VWA3B: variants seen among roughly 807,000 people sequenced by gnomAD.
The protein encoded by VWA3B is von Willebrand factor A domain containing 3B.
VWA3B carries 138 observed loss-of-function variants against 158.3 expected under a neutral mutation model. That is an observed-to-expected ratio of 0.87 (90% CI 0.76 to 1.00). The LOEUF is 1.00. Ranked by LOEUF, VWA3B falls within the 50% of genes least tolerant of loss-of-function variation. The pLI, the probability that VWA3B is intolerant of heterozygous loss-of-function variation, is 0.00. For synonymous variants in VWA3B, 596 were observed against 587.3 expected (o/e 1.01, Z -0.21); for missense variants, 1,555 against 1,565.1 (o/e 0.99, Z 0.11).
chr2:98,317,738 C>A (rs1292955233), downstream of VWA3B, among the ~76,000 whole-genome samples: 1 of 152,174 alleles, frequency 6.6e-6, no homozygotes, highest in Non-Finnish European at 1.5e-5. Context: ...TCTCATGTCT[C>A]CCTAAAATGT....
chr2:98,119,840 C>T, intron 4 of VWA3B, 77 bp downstream of exon 4: 1 of 1,546,610 alleles, frequency 6.5e-7, no homozygotes, highest in Non-Finnish European at 8.8e-7. Flanking sequence ...AGTAGCACAG[C>T]TGACACAGTT....
chr2:98,279,003 T>TG (rs1288538212), intron 22 of VWA3B, among the ~76,000 whole-genome samples: 1 of 152,134 alleles, frequency 6.6e-6, no homozygotes, highest in Non-Finnish European at 1.5e-5. Context: ...ACTGCAGTGA[T>TG]GGTTTAGCAT....
intron 6 of VWA3B, among the ~76,000 whole-genome samples, chr2:98,129,730 T>A (rs1056464171): frequency 6.6e-6 from 1 of 152,158 alleles, no homozygotes; most frequent in African/African-American, 2.4e-5. Context: ...TAAGTTTAGG[T>A]CTCTTGTGGA....
chr2:98,231,056 T>C (rs1270616123), intron 16 of VWA3B, among the ~76,000 whole-genome samples: 2 of 152,114 alleles, frequency 1.3e-5, no homozygotes. Flanking sequence ...TAAAATAAAA[T>C]AATTAGGTGA....
intron 7 of VWA3B, among the ~76,000 whole-genome samples, chr2:98,143,574 G>C (rs1312581227): frequency 6.6e-6 from 1 of 151,922 alleles, no homozygotes; most frequent in African/African-American, 2.4e-5. Flanking sequence ...TGTGTTACAT[G>C]GTGGGGAGGC....
chr2:98,212,648 G>A (rs1215162609), intron 13 of VWA3B, among the ~76,000 whole-genome samples: 11 of 152,148 alleles, frequency 7.2e-5, no homozygotes, highest in Non-Finnish European at 1.3e-4. Flanking sequence ...GTCAACTCGC[G>A]TCCTTCCTTG....
chr2:98,253,413 G>A (rs545068526), intron 20 of VWA3B, among the ~76,000 whole-genome samples: 2 of 152,292 alleles, frequency 1.3e-5, no homozygotes, highest in Admixed American at 1.3e-4. Flanking sequence ...GCCCATGCAT[G>A]GGAGTCCTTT....
intron 25 of VWA3B, among the ~76,000 whole-genome samples, chr2:98,301,357 T>G (rs913838072): frequency 6.6e-5 from 10 of 152,134 alleles, no homozygotes; most frequent in Admixed American, 1.3e-4. Flanking sequence ...CACTCTGCTC[T>G]TTATTGGTTG....
At position 98,296,289 on chromosome 2, in the gene VWA3B, C is replaced by T. The variant is rs114106757; in HGVS notation, c.3158-1618C>T. On this transcript the variant is annotated intron_variant, in intron 23 of 27. Coordinates refer to ENST00000477737, the MANE Select transcript of VWA3B (RefSeq NM_144992.5). ...TGGGAGGGACGTGGGGCACACAGTG[C>T]GTGGCAGGAGACGAGTCCCCTGATT... 6.4e-3 allele frequency among the ~76,000 whole-genome samples: 974 copies of T among 152,278 alleles called. 9 individuals are homozygous for T. The highest frequency in any genetic ancestry group is 0.022 in the African/African-American group (929 of 41,556).
intron 7 of VWA3B, among the ~76,000 whole-genome samples, chr2:98,142,144 A>G (rs1011984110): frequency 2.6e-5 from 4 of 152,014 alleles, no homozygotes; most frequent in Admixed American, 1.3e-4. Flanking sequence ...TAGTCGTTGG[A>G]TATCTGTTCT....
intron 16 of VWA3B, among the ~76,000 whole-genome samples, chr2:98,232,729 G>A (rs983599493): frequency 2.6e-5 from 4 of 152,146 alleles, no homozygotes; most frequent in Admixed American, 1.3e-4. Flanking sequence ...TGGTTCTGAT[G>A]GCGATTTAAT....
At chr2:98,321,905 A>G in the VWA3B span, among the ~76,000 whole-genome samples, 1 of 152,108 alleles carries the variant, frequency 6.6e-6, no homozygotes, top group Non-Finnish European at 1.5e-5. Context: ...TAATTCCCAC[A>G]TGTCATGGGA....
At chr2:98,324,468 CT>C in the VWA3B span, among the ~76,000 whole-genome samples, 1 of 152,116 alleles carries the variant, frequency 6.6e-6, no homozygotes, top group Non-Finnish European at 1.5e-5. Context: ...CAGCCTCTAA[CT>C]TCTTAACCAT....
At chr2:98,156,396 G>T (rs559403454) in intron 7 of VWA3B, among the ~76,000 whole-genome samples, 12 of 152,156 alleles carry the variant, frequency 7.9e-5, no homozygotes, top group Non-Finnish European at 1.5e-4. Flanking sequence ...ATCCATCTAC[G>T]TGAGTGATAT....
intron 10 of VWA3B, 150 bp from the exon 11 acceptor site, chr2:98,192,748 A>T: frequency 9.2e-7 from 1 of 1,085,008 alleles, no homozygotes; most frequent in African/African-American, 1.6e-5. Context: ...CTACAGAAAA[A>T]CCTCAAAGCG....
chr2:98,230,015 T>TC lies in VWA3B; in HGVS notation c.2151-35_2151-34insC. The TC allele has an allele frequency of 1.3e-6, 2 of 1,540,078 alleles. 1 individual carries two copies. The highest frequency in any genetic ancestry group is 3.5e-4 in the Middle Eastern group (2 of 5,722). On this transcript the variant is annotated intron_variant, in intron 15 of 27. Coordinates refer to ENST00000477737, the MANE Select transcript of VWA3B (RefSeq NM_144992.5). Reference sequence around the variant, plus strand: ...TGATGGAAATTTTCTTTTCTCTCTCTTTTTTTGCTCGACTTTTTATCTAAA... The same window carrying TC: ...TGATGGAAATTTTCTTTTCTCTCTCTCTTTTTTGCTCGACTTTTTATCTAAA...
intron 6 of VWA3B, among the ~76,000 whole-genome samples, chr2:98,133,403 T>C (rs963726830): frequency 1.8e-4 from 28 of 152,326 alleles, no homozygotes; most frequent in African/African-American, 6.5e-4. Flanking sequence ...ATGCTGTCTG[T>C]GTCATGAGCT....
At chr2:98,105,678 T>TG (rs1426248597) in intron 2 of VWA3B, among the ~76,000 whole-genome samples, 3 of 152,020 alleles carry the variant, frequency 2.0e-5, no homozygotes, top group Non-Finnish European at 4.4e-5. Flanking sequence ...CAGTGAGCTA[T>TG]GATCACACTA....
chr2:98,326,835 G>T, the VWA3B span, among the ~76,000 whole-genome samples: 2 of 152,062 alleles, frequency 1.3e-5, no homozygotes, highest in African/African-American at 2.4e-5. Context: ...AATAGGGGAA[G>T]GGGCCAGAAG....
Sources: gnomAD v4.1 joint callset for allele counts (sites outside exome capture counted in the v4.1 genomes callset) on GRCh38, gnomAD v4.1.1 for gene constraint, MANE v1.5 for transcripts, NCBI Gene and HGNC (gene_info 2026-07-23, HGNC 2026-07-21) for gene names.